Variants in ARL15 observed in about 807,000 individuals in gnomAD.
The protein encoded by ARL15 is ADP-ribosylation factor-like protein 15.
In ARL15, 19 loss-of-function variants were observed where a neutral mutation model predicts 25.2. The observed-to-expected ratio is 0.75, with a 90% CI of 0.53 to 1.10. The LOEUF is 1.10. Among genes scored for constraint, ARL15 ranks in the 50% least tolerant of loss-of-function variants. ARL15 has a pLI of 0.00. For synonymous variants in ARL15, 94 were observed against 86.8 expected (o/e 1.08, Z -0.46); for missense variants, 220 against 246.0 (o/e 0.89, Z 0.71).
chr5:54,074,205 T>C (rs1353261014), intron 4 of ARL15, among the ~76,000 whole-genome samples: 1 of 152,172 alleles, frequency 6.6e-6, no homozygotes, highest in East Asian at 1.9e-4. Context: ...ATCATACAGA[T>C]TGGTATTCAA....
intron 1 of ARL15, among the ~76,000 whole-genome samples, chr5:54,265,581 A>C (rs1466464731): frequency 1.3e-5 from 2 of 152,176 alleles, no homozygotes; most frequent in Admixed American, 6.5e-5. Flanking sequence ...ACTCCGAATT[A>C]TTTCAGATTT....
At chr5:54,218,245 C>A (rs1260947775) in intron 1 of ARL15, among the ~76,000 whole-genome samples, 1 of 152,092 alleles carries the variant, frequency 6.6e-6, no homozygotes, top group Non-Finnish European at 1.5e-5. Context: ...TCTTTCTATT[C>A]AAAAAGAGCA....
intron 1 of ARL15, among the ~76,000 whole-genome samples, chr5:54,274,382 C>G (rs1236932231): frequency 1.3e-5 from 2 of 152,164 alleles, no homozygotes; most frequent in South Asian, 2.1e-4. Flanking sequence ...TGCCTGGACT[C>G]TAATTTCAAA....
intron 4 of ARL15, among the ~76,000 whole-genome samples, chr5:53,983,333 C>T (rs977288942): frequency 3.9e-5 from 6 of 151,964 alleles, no homozygotes; most frequent in Non-Finnish European, 8.8e-5. Flanking sequence ...TGACTTAATC[C>T]TCTTGCATCT....
chr5:53,911,487 T>G (rs539406215), intron 4 of ARL15, among the ~76,000 whole-genome samples: 148 of 152,310 alleles, frequency 9.7e-4, no homozygotes, highest in Middle Eastern at 3.4e-3. Context: ...ATAGATCAGA[T>G]GTTAGATGTC....
At position 54,118,762 on chromosome 5, in the gene ARL15, G is replaced by C. The variant is rs3756485; in HGVS notation, c.254-5352C>G. 9.2e-3 allele frequency among the ~76,000 whole-genome samples: 1,402 copies of C among 152,244 alleles called. 27 individuals carry two copies. Among genetic ancestry groups the C allele is most frequent in the Admixed American group, 0.04 (606 of 15,282 alleles). ...ACCATTATATCGGAATTCTAACCCA[G>C]TGATCAGATACTTGAAGGCCTAGAA... On this transcript the variant is annotated intron_variant, in intron 3 of 4. Transcript: ENST00000504924.
rs542569586 is a variant in ARL15 at position 54,272,322 on chromosome 5, C to T, written c.48+38110G>A. Among the ~76,000 whole-genome samples the T allele has an allele frequency of 5.9e-5, 9 of 151,800 alleles. No individual in the cohort carries two copies. In the South Asian group the frequency reaches 1.9e-3, roughly 32 times the overall value. On this transcript the variant is annotated intron_variant, in intron 1 of 4. Coordinates refer to ENST00000504924, the MANE Select transcript of ARL15 (RefSeq NM_019087.3). ...TAAACCACATCCTTGGCAGTGACTGCGTTCTAGGATAATTTTTAATCATTG... is the reference window on the plus strand; with the variant it reads ...TAAACCACATCCTTGGCAGTGACTGTGTTCTAGGATAATTTTTAATCATTG...
intron 4 of ARL15, among the ~76,000 whole-genome samples, chr5:54,025,887 G>T (rs371421453): frequency 1.8e-4 from 27 of 152,080 alleles, no homozygotes; most frequent in African/African-American, 5.5e-4. Context: ...CAAATCATAG[G>T]TATTGTTATT....
chr5:53,995,303 C>CA (rs34234639), intron 4 of ARL15, among the ~76,000 whole-genome samples: 4,025 of 44,756 alleles, frequency 0.09, 100 homozygotes, highest in African/African-American at 0.1. Flanking sequence ...GACTCCGTCA[C>CA]AAAAAAAAAA....
intron 4 of ARL15, among the ~76,000 whole-genome samples, chr5:54,099,680 A>G (rs1561223625): frequency 6.6e-6 from 1 of 152,114 alleles, no homozygotes; most frequent in Non-Finnish European, 1.5e-5. Context: ...ATGGAACATT[A>G]ACTCATTCAA....
chr5:54,258,421 C>G (rs758907842), intron 1 of ARL15, among the ~76,000 whole-genome samples: 59 of 152,260 alleles, frequency 3.9e-4, no homozygotes, highest in African/African-American at 1.1e-3. Flanking sequence ...TGTCTAGCCC[C>G]ATTTTTTTAG....
intron 4 of ARL15, among the ~76,000 whole-genome samples, chr5:54,049,402 A>G (rs1431619639): frequency 6.6e-6 from 1 of 152,058 alleles, no homozygotes; most frequent in Non-Finnish European, 1.5e-5. Flanking sequence ...CACCATGCCC[A>G]GCACTATACA....
chr5:53,981,617 G>A (rs566484623), intron 4 of ARL15, among the ~76,000 whole-genome samples: 10 of 152,210 alleles, frequency 6.6e-5, no homozygotes, highest in Admixed American at 4.6e-4. Flanking sequence ...GAAATCATGC[G>A]GGGCGCAGTA....
intron 1 of ARL15, among the ~76,000 whole-genome samples, chr5:54,299,584 CTTTTTTT>C (rs752417066): frequency 1.3e-5 from 1 of 79,540 alleles, no homozygotes; most frequent in South Asian, 5.4e-4. Flanking sequence ...TAGCTATTAG[CTTTTTTT>C]TTTTTTTTTT....
intron 1 of ARL15, among the ~76,000 whole-genome samples, chr5:54,251,826 C>G (rs1365026250): frequency 6.6e-6 from 1 of 152,146 alleles, no homozygotes; most frequent in Non-Finnish European, 1.5e-5. Flanking sequence ...TAGAATCACC[C>G]TGGAGGACAT....
intron 1 of ARL15, among the ~76,000 whole-genome samples, chr5:54,201,423 T>TACAAA (rs1375664876): frequency 1.3e-5 from 2 of 152,228 alleles, no homozygotes; most frequent in South Asian, 4.1e-4. Flanking sequence ...AACCCATCTG[T>TACAAA]GCACTTCTTT....
intron 4 of ARL15, among the ~76,000 whole-genome samples, chr5:54,017,587 G>GAA (rs34358029): frequency 7.6e-6 from 1 of 131,500 alleles, no homozygotes; most frequent in Non-Finnish European, 1.6e-5. Context: ...CTTTGTGGAA[G>GAA]AAAAAAAAAA....
At chr5:54,132,486 C>G (rs139946055) in intron 3 of ARL15, among the ~76,000 whole-genome samples, 184 of 151,876 alleles carry the variant, frequency 1.2e-3, no homozygotes, top group Middle Eastern at 3.4e-3. Flanking sequence ...GCAAAATAAT[C>G]AATAGACACA....
intron 4 of ARL15, among the ~76,000 whole-genome samples, chr5:53,979,495 A>C (rs1748048770): frequency 6.6e-6 from 1 of 152,146 alleles, no homozygotes. Context: ...TGCCACGATC[A>C]TACCATTGCA....
Sources: gnomAD v4.1 joint callset for allele counts (sites outside exome capture counted in the v4.1 genomes callset) on GRCh38, gnomAD v4.1.1 for gene constraint, MANE v1.5 for transcripts, NCBI Gene and HGNC (gene_info 2026-07-23, HGNC 2026-07-21) for gene names.